The following GALNT13 variants were observed in gnomAD, a reference collection of about 807,000 sequenced individuals.
GALNT13 encodes UDP-GalNAc:polypeptide N-acetylgalactosaminyltransferase 13.
In GALNT13, 28 loss-of-function variants were observed where a neutral mutation model predicts 64.2. The ratio of observed to expected loss-of-function variants is 0.44; its 90% CI spans 0.32 to 0.60. GALNT13 has a LOEUF of 0.60. GALNT13 is among the 20% of genes least tolerant of loss of function. The pLI, the probability that GALNT13 is intolerant of heterozygous loss-of-function variation, is 0.05. For synonymous variants in GALNT13, 214 were observed against 224.6 expected (o/e 0.95, Z 0.42); for missense variants, 577 against 669.8 (o/e 0.86, Z 1.53).
chr2:153,142,375 T>A, the GALNT13 span, among the ~76,000 whole-genome samples: 3 of 151,816 alleles, frequency 2.0e-5, no homozygotes, highest in African/African-American at 7.3e-5. Flanking sequence ...TGGAGGAAGG[T>A]AGAGAAAAAG....
At chr2:154,328,643 A>G (rs1695004254) in intron 9 of GALNT13, among the ~76,000 whole-genome samples, 1 of 152,116 alleles carries the variant, frequency 6.6e-6, no homozygotes, top group Non-Finnish European at 1.5e-5. Flanking sequence ...CAAAATCTGT[A>G]TTTCAACCAA....
chr2:153,816,228 C>T, the GALNT13 span, among the ~76,000 whole-genome samples: 154 of 152,172 alleles, frequency 1.0e-3, no homozygotes, highest in Non-Finnish European at 1.7e-3. Context: ...AAGAGCCATC[C>T]GAATCTGAGG....
At chr2:154,099,801 A>G (rs1307349761) in intron 3 of GALNT13, among the ~76,000 whole-genome samples, 1 of 152,102 alleles carries the variant, frequency 6.6e-6, no homozygotes, top group African/African-American at 2.4e-5. Flanking sequence ...TTAGGCAAGC[A>G]TGATGATTCA....
chr2:154,137,653 T>C (rs1683031035), intron 3 of GALNT13, among the ~76,000 whole-genome samples: 1 of 152,274 alleles, frequency 6.6e-6, no homozygotes. Flanking sequence ...TACTTCTGTG[T>C]GCTTTAAATT....
chr2:153,698,678 A>G, the GALNT13 span, among the ~76,000 whole-genome samples: 149 of 152,308 alleles, frequency 9.8e-4, no homozygotes, highest in African/African-American at 3.4e-3. Context: ...TGTTAGATCA[A>G]TGAGACAGAA....
the GALNT13 span, among the ~76,000 whole-genome samples, chr2:153,365,883 A>G: frequency 6.6e-6 from 1 of 152,114 alleles, no homozygotes; most frequent in South Asian, 2.1e-4. Flanking sequence ...CAGCAATCCC[A>G]CTACTGGGTA....
At chr2:153,114,793 T>G in the GALNT13 span, among the ~76,000 whole-genome samples, 1 of 152,066 alleles carries the variant, frequency 6.6e-6, no homozygotes, top group Non-Finnish European at 1.5e-5. Context: ...ACCAATGAAT[T>G]TCAACAGTAA....
At position 154,268,024 on chromosome 2, in the gene GALNT13, C is replaced by T. The variant is rs932821082; in HGVS notation, c.975+8886C>T. Among the ~76,000 whole-genome samples, 5 of 152,084 alleles carry T rather than the reference C, an allele frequency of 3.3e-5. 1 individual carries two copies. Among genetic ancestry groups the T allele is most frequent in the Admixed American group, 1.3e-4 (2 of 15,274 alleles). ...AGAACTGCACCTGCAATGCTGGTGG[C>T]GATGTACAATGGTACACTAAACTCC... On this transcript the variant is annotated intron_variant, in intron 8 of 12. Transcript: ENST00000392825.
chr2:154,439,157 A>G (rs976123011), intron 12 of GALNT13, among the ~76,000 whole-genome samples: 1 of 152,222 alleles, frequency 6.6e-6, no homozygotes, highest in African/African-American at 2.4e-5. Flanking sequence ...GACAAGATTA[A>G]CAAGATTTCT....
chr2:153,223,084 A>C, the GALNT13 span, among the ~76,000 whole-genome samples: 1 of 152,232 alleles, frequency 6.6e-6, no homozygotes, highest in Admixed American at 6.5e-5. Flanking sequence ...CGCTGCCGTC[A>C]TTTAAATGAT....
chr2:154,293,514 A>G (rs1251124256), intron 8 of GALNT13, among the ~76,000 whole-genome samples: 1 of 152,200 alleles, frequency 6.6e-6, no homozygotes, highest in Non-Finnish European at 1.5e-5. Flanking sequence ...ACTTCATCCC[A>G]TATCAAGTGC....
intron 3 of GALNT13, among the ~76,000 whole-genome samples, chr2:153,962,456 G>C (rs1693013238): frequency 6.6e-6 from 1 of 152,092 alleles, no homozygotes; most frequent in South Asian, 2.1e-4. Flanking sequence ...TGACTTATGT[G>C]TAAAAAGCAG....
the GALNT13 span, among the ~76,000 whole-genome samples, chr2:153,160,880 A>G: frequency 3.9e-5 from 6 of 152,202 alleles, no homozygotes; most frequent in African/African-American, 1.2e-4. Flanking sequence ...AGGGTCTTCC[A>G]TCCTTTCTGA....
the GALNT13 span, among the ~76,000 whole-genome samples, chr2:153,858,315 A>G: frequency 6.6e-6 from 1 of 152,214 alleles, no homozygotes; most frequent in African/African-American, 2.4e-5. Flanking sequence ...GGTCAGAGAT[A>G]GGCCACTGAA....
At chr2:153,948,924 G>T (rs1346366139) in intron 3 of GALNT13, among the ~76,000 whole-genome samples, 2 of 152,080 alleles carry the variant, frequency 1.3e-5, no homozygotes, top group Non-Finnish European at 2.9e-5. Flanking sequence ...ATGAATAAGT[G>T]TGTACAACAA....
chr2:153,482,714 G>A, the GALNT13 span, among the ~76,000 whole-genome samples: 5 of 151,286 alleles, frequency 3.3e-5, no homozygotes, highest in Admixed American at 3.3e-4. Flanking sequence ...CAGGTGATCA[G>A]CCTGCCTTGG....
the GALNT13 span, among the ~76,000 whole-genome samples, chr2:153,752,023 G>A: frequency 5.3e-5 from 8 of 151,318 alleles, no homozygotes; most frequent in Non-Finnish European, 1.0e-4. Context: ...AGGTTATGTC[G>A]AGGCTTGTAA....
the GALNT13 span, among the ~76,000 whole-genome samples, chr2:153,243,136 C>T: frequency 6.6e-6 from 1 of 152,150 alleles, no homozygotes; most frequent in African/African-American, 2.4e-5. Context: ...CACATCCCCA[C>T]CCTCCACTGA....
chr2:154,021,656 A>G (rs1697507939), intron 3 of GALNT13, among the ~76,000 whole-genome samples: 1 of 151,820 alleles, frequency 6.6e-6, no homozygotes, highest in Non-Finnish European at 1.5e-5. Flanking sequence ...AACAGGGACA[A>G]TTTGACTTTC....
Sources: allele counts gnomAD v4.1 joint callset (sites outside exome capture counted in the v4.1 genomes callset), GRCh38; gene constraint gnomAD v4.1.1; transcripts MANE v1.5; gene names NCBI Gene and HGNC (gene_info 2026-07-23, HGNC 2026-07-21).